The following SP3 variants were observed in gnomAD, a reference collection of about 807,000 sequenced individuals.
SP3 encodes the protein transcription factor Sp3.
A neutral mutation model predicts 70.3 loss-of-function variants in SP3; 10 were observed. The observed-to-expected ratio is 0.14, with a 90% CI of 0.09 to 0.24. SP3 has a LOEUF of 0.24. SP3 is among the 10% of genes least tolerant of loss of function. The probability of loss-of-function intolerance (pLI) is 1.00; values close to 1 mark genes in which losing one functional copy is unlikely to be tolerated. For missense variants in SP3, 825 were observed against 914.6 expected (o/e 0.90, Z 1.26); for synonymous variants, 402 against 333.5 (o/e 1.21, Z -2.24).
At chr2:173,919,684 G>A (rs1220138661) in intron 4 of SP3, among the ~76,000 whole-genome samples, 2 of 152,098 alleles carry the variant, frequency 1.3e-5, no homozygotes, top group East Asian at 1.9e-4. Flanking sequence ...CAGAAATGAC[G>A]AGAAATTTTA....
intron 4 of SP3, among the ~76,000 whole-genome samples, chr2:173,949,833 C>A (rs995839862): frequency 1.3e-5 from 2 of 152,154 alleles, no homozygotes; most frequent in African/African-American, 4.8e-5. Flanking sequence ...ACTTCAAACA[C>A]CTGACTCCAT....
intron 5 of SP3, among the ~76,000 whole-genome samples, chr2:173,918,080 T>C (rs1454334039): frequency 5.9e-5 from 9 of 152,002 alleles, no homozygotes; most frequent in Admixed American, 5.3e-4. Flanking sequence ...TCTGATCATT[T>C]TGAGTTTACT....
rs1363741952 is a variant in SP3, at chr2:173,906,291, T to C, written c.*3650A>G. Among the ~76,000 whole-genome samples the C allele has an allele frequency of 6.6e-6, 1 of 152,206 alleles. No homozygotes were observed. The highest frequency in any genetic ancestry group is 1.5e-5 in the Non-Finnish European group (1 of 68,038). On this transcript the variant is annotated 3_prime_UTR_variant, in exon 7 of 7. Coordinates refer to ENST00000310015, the MANE Select transcript of SP3 (RefSeq NM_003111.5). ...CTGCCACTAATATATATATTTACATTATACGCAAATCTGTCTGAACAAGGC... is the reference window on the plus strand; with the variant it reads ...CTGCCACTAATATATATATTTACATCATACGCAAATCTGTCTGAACAAGGC...
At chr2:173,919,265 A>C (rs981123678) in intron 4 of SP3, among the ~76,000 whole-genome samples, 4 of 152,202 alleles carry the variant, frequency 2.6e-5, no homozygotes, top group African/African-American at 9.6e-5. Flanking sequence ...TAATTGCCCA[A>C]AAAGTGTTAT....
intron 5 of SP3, chr2:173,914,197 GAATAAA>G (rs1689567188): frequency 6.6e-6 from 1 of 151,828 alleles, no homozygotes; most frequent in Non-Finnish European, 1.5e-5. Flanking sequence ...GCTTGTTACT[GAATAAA>G]AATAAATTAG....
Position 173,955,759 on chromosome 2 carries a change from T to C in SP3, c.753A>G (p.Gln251=), listed in dbSNP as rs763700282. 2 of 1,614,208 alleles carry C rather than the reference T, an allele frequency of 1.2e-6. No individual in the cohort carries two copies. The highest frequency in any genetic ancestry group is 1.7e-6 in the Non-Finnish European group (2 of 1,180,032). Residue 251 remains glutamine, a synonymous_variant, in exon 4 of 7, where the codon CAA becomes CAG. Coordinates refer to ENST00000310015, the MANE Select transcript of SP3 (RefSeq NM_003111.5). ...IGGSSFPGQT[Q]VVANVPLGLP... The stretch of plus-strand genomic sequence containing the variant: ...GACCAAGAGGCACATTAGCAACTAC[T>C]TGGGTTTGACCAGGAAAAGATGAAC...
intron 3 of SP3, among the ~76,000 whole-genome samples, chr2:173,958,569 C>A (rs1574426695): frequency 7.1e-6 from 1 of 140,822 alleles, no homozygotes; most frequent in African/African-American, 2.7e-5. Flanking sequence ...ACCTGTGAAG[C>A]ACAACGATGG....
intron 4 of SP3, among the ~76,000 whole-genome samples, chr2:173,946,347 T>C (rs568824281): frequency 2.9e-4 from 44 of 152,106 alleles, no homozygotes; most frequent in African/African-American, 1.0e-3. Flanking sequence ...GGGGTCTATC[T>C]TGCCCAAGCT....
chr2:173,960,713 G>A (rs781139483), intron 3 of SP3, among the ~76,000 whole-genome samples: 4 of 152,148 alleles, frequency 2.6e-5, no homozygotes, highest in Admixed American at 6.5e-5. Flanking sequence ...GCTTACGCCT[G>A]TAATCCCAGC....
intron 4 of SP3, among the ~76,000 whole-genome samples, chr2:173,936,285 C>G (rs1367620218): frequency 2.0e-5 from 3 of 152,190 alleles, no homozygotes; most frequent in Non-Finnish European, 4.4e-5. Context: ...TCCTAAAGTG[C>G]TGGGATTACA....
chr2:173,950,448 G>T (rs1269337881), intron 4 of SP3, among the ~76,000 whole-genome samples: 1 of 152,114 alleles, frequency 6.6e-6, no homozygotes, highest in African/African-American at 2.4e-5. Flanking sequence ...GGAGGCCAAG[G>T]CAAAAGGACT....
At position 173,965,338 on chromosome 2, in the gene SP3, T is replaced by C; in HGVS notation, c.-167A>G. 1.3e-6 allele frequency: 1 copy of C among 769,826 alleles called. No individual in the cohort carries two copies. 47.7% of individuals were successfully genotyped at this position (769,826 alleles called of 1,614,324 possible). A position where few individuals can be genotyped will look rare whatever the true frequency, so the allele number is the denominator to read the frequency against. On this transcript the variant is annotated 5_prime_UTR_variant, in exon 1 of 7. Coordinates refer to ENST00000310015, the MANE Select transcript of SP3 (RefSeq NM_003111.5). Reference sequence around the variant, plus strand: ...TTGACTGTGCGGGAAACACAAAAGGTGGAGCCTCCAGCCCAAAAGGGGGGA... The same window carrying C: ...TTGACTGTGCGGGAAACACAAAAGGCGGAGCCTCCAGCCCAAAAGGGGGGA...
Position 173,909,638 on chromosome 2 carries a change from G to C in SP3, c.*303C>G, listed in dbSNP as rs140272286. 2 of 223,244 alleles carry C rather than the reference G, an allele frequency of 9.0e-6. No homozygotes were observed. The highest frequency in any genetic ancestry group is 1.8e-5 in the Non-Finnish European group (2 of 111,380). The allele number at this position is 223,244 out of a possible 1,614,324, so 13.8% of individuals were successfully genotyped here. On this transcript the variant is annotated 3_prime_UTR_variant, in exon 7 of 7. Transcript: ENST00000310015. ...TCTCATTTTTACACTAAACCACACAGGATTGATGCATTTGGTTAGACTACC... is the reference window on the plus strand; with the variant it reads ...TCTCATTTTTACACTAAACCACACACGATTGATGCATTTGGTTAGACTACC...
chr2:173,918,630 C>G lies in SP3; in HGVS notation c.1795G>C (p.Ala599Pro). The G allele has an allele frequency of 6.2e-7, 1 of 1,613,640 alleles. No homozygotes were observed. Among genetic ancestry groups the G allele is most frequent in the Non-Finnish European group, 8.5e-7 (1 of 1,179,662 alleles). ...HQEGKRLRRVACTCPNCKEGG... is the reference protein window; with the variant it reads ...HQEGKRLRRVPCTCPNCKEGG... ...TCTTTACAGTTGGGACAGGTGCAAG[C>G]TACCCTCCGAAGTCTTTTTCCTTCT... The change falls in exon 5 of 7, where the codon GCT (alanine) becomes CCT (proline). Residue 599 changes from alanine (A) to proline (P), a missense_variant. Transcript: ENST00000310015.
chr2:173,940,014 T>C (rs1690320650), intron 4 of SP3, among the ~76,000 whole-genome samples: 1 of 152,028 alleles, frequency 6.6e-6, no homozygotes, highest in South Asian at 2.1e-4. Context: ...GACAGGACTA[T>C]GGGCACACAT....
At chr2:173,965,426 C>G (rs1047313230), upstream of SP3, 2 of 532,710 alleles carry the variant, frequency 3.8e-6, no homozygotes. Context: ...CCGCCGTGCT[C>G]TTTGTCGGCT....
chr2:173,950,425 T>G (rs534625182), intron 4 of SP3, among the ~76,000 whole-genome samples: 35 of 152,240 alleles, frequency 2.3e-4, no homozygotes, highest in African/African-American at 7.7e-4. Context: ...ATGCCTATAA[T>G]TCCAACACTT....
In SP3 at chr2:173,902,074, C is replaced by G. The variant is rs1479270971; in HGVS notation, c.*7867G>C. On this transcript the variant is annotated 3_prime_UTR_variant, in exon 7 of 7. Transcript: ENST00000310015. ...TGAGAGACTATGAGGACTACCACAC[C>G]TGGGCAGGGCTTGACTGAGAGATAG... 2.0e-5 allele frequency among the ~76,000 whole-genome samples: 3 copies of G among 152,160 alleles called. No individual in the cohort carries two copies. Among genetic ancestry groups the G allele is most frequent in the Admixed American group, 6.5e-5 (1 of 15,284 alleles).
Position 173,963,882 on chromosome 2 carries a change from T to G in SP3, c.158A>C (p.Asp53Ala). 1 of 1,506,034 alleles carries G rather than the reference T, an allele frequency of 6.6e-7. No individual in the cohort carries two copies. Among genetic ancestry groups the G allele is most frequent in the Non-Finnish European group, 8.9e-7 (1 of 1,125,842 alleles). 93.3% of individuals were successfully genotyped at this position (1,506,034 alleles called of 1,614,324 possible). Residue 53 changes from aspartate to alanine, a missense_variant and splice_region_variant, in exon 3 of 7, where the codon GAC (aspartate) becomes GCC (alanine). Around this residue, in one of 4 missense-constraint regions of SP3, gnomAD observed 678 missense variants for 651.6 expected, o/e 1.04. Transcript: ENST00000310015. ...CAGAGCGAGCGGTGACGGCTGAGTG[T>G]CCTACCCCCAATGGGCGGGTTCAGA... Reference protein sequence around the residue: ...GAVAAAAAAQDTQPSPLALLA... With the variant: ...GAVAAAAAAQATQPSPLALLA...
Sources: gnomAD v4.1 joint callset for allele counts (sites outside exome capture counted in the v4.1 genomes callset) on GRCh38, gnomAD v4.1.1 for gene constraint, gnomAD v4.1.1 regional missense constraint, MANE v1.5 for transcripts, NCBI Gene and HGNC (gene_info 2026-07-23, HGNC 2026-07-21) for gene names.